Variants in EPYC observed in about 807,000 individuals in gnomAD.
The protein encoded by EPYC is dermatan sulfate proteoglycan 3.
In EPYC, 28 loss-of-function variants were observed where a neutral mutation model predicts 30.1. The observed-to-expected ratio is 0.93, with a 90% confidence interval of 0.69 to 1.28. The LOEUF is 1.28. Ranked by LOEUF, EPYC falls within the 50% of genes most tolerant of loss-of-function variation. The probability of loss-of-function intolerance (pLI) is 0.00; values close to 1 mark genes in which losing one functional copy is unlikely to be tolerated. For missense variants in EPYC, 382 were observed against 383.5 expected, an observed-to-expected ratio of 1.00 and a Z score of 0.03; for synonymous variants, 144 against 141.4, an observed-to-expected ratio of 1.02 and a Z score of -0.13.
chr12:90,969,211 A>G (rs961374807), intron 6 of EPYC, among the ~76,000 whole-genome samples: 9 of 152,080 alleles, frequency 5.9e-5, no homozygotes, highest in African/African-American at 9.6e-5. Context: ...ATTTTCTGCC[A>G]TAAAAGATAA....
intron 3 of EPYC, among the ~76,000 whole-genome samples, chr12:90,977,269 C>T (rs1380420165): frequency 1.3e-5 from 2 of 152,110 alleles, no homozygotes; most frequent in African/African-American, 4.8e-5. Context: ...AGTGTGAGTC[C>T]TCTTGAGTAC....
Position 90,992,691 on chromosome 12 carries a change from A to G in EPYC, c.165+9710T>C, listed in dbSNP as rs145713342. On this transcript the variant is annotated intron_variant, in intron 2 of 6. Transcript: ENST00000261172. ...CTGTGCCAGAAAACGGAAAGATCTC[A>G]AATGTTACTCTGAGAGAAGGAACAT... Among the ~76,000 whole-genome samples, 8 of 152,282 alleles carry G rather than the reference A, an allele frequency of 5.3e-5. No homozygotes were observed. The East Asian group carries it at 1.4e-3, about 26-fold the overall frequency.
intron 3 of EPYC, among the ~76,000 whole-genome samples, chr12:90,974,063 CACACACA>C (rs1877122355): frequency 6.6e-6 from 1 of 150,596 alleles, no homozygotes; most frequent in Non-Finnish European, 1.5e-5. Flanking sequence ...CACACACACA[CACACACA>C]CACCCCTACC....
intron 2 of EPYC, among the ~76,000 whole-genome samples, chr12:90,979,648 G>A (rs1002320022): frequency 2.0e-5 from 3 of 152,030 alleles, no homozygotes; most frequent in African/African-American, 7.2e-5. Flanking sequence ...TGCTTCCATA[G>A]AGTCTCTCTA....
At chr12:90,982,419 A>G (rs947510256) in intron 2 of EPYC, among the ~76,000 whole-genome samples, 1 of 152,068 alleles carries the variant, frequency 6.6e-6, no homozygotes, top group Non-Finnish European at 1.5e-5. Context: ...AAAAAACTCT[A>G]CAACCATTAA....
intron 1 of EPYC, among the ~76,000 whole-genome samples, chr12:91,004,325 G>A (rs1023130817): frequency 1.3e-5 from 2 of 151,928 alleles, no homozygotes; most frequent in Admixed American, 1.3e-4. Context: ...CAACTATAAG[G>A]CAGGCTGTGT....
At chr12:90,978,367 A>G (rs1427210999) in intron 2 of EPYC, 105 bp from the exon 3 acceptor site, 4 of 1,105,362 alleles carry the variant, frequency 3.6e-6, no homozygotes, top group East Asian at 2.8e-5. Context: ...ACAAGAGGAC[A>G]CTCATGTTCT....
rs74398738 is a variant in EPYC at position 91,003,659 on chromosome 12, G to T, written c.-13-1081C>A. On this transcript the variant is annotated intron_variant, in intron 1 of 6. Coordinates refer to ENST00000261172, the MANE Select transcript of EPYC (RefSeq NM_004950.5). ...ATGTTACCTAGTGATCCCTTATTGA[G>T]CAGGCAAAGTATTGTAAAATTCTGT... is the stretch of plus-strand genomic sequence containing the variant. 8.1e-4 allele frequency among the ~76,000 whole-genome samples: 123 copies of T among 152,066 alleles called. 2 individuals carry two copies. The East Asian group carries it at 0.024, about 29-fold the overall frequency.
chr12:90,998,004 A>G (rs1014978209), intron 2 of EPYC, among the ~76,000 whole-genome samples: 70 of 152,200 alleles, frequency 4.6e-4, no homozygotes, highest in African/African-American at 1.5e-3. Context: ...AGAAGACAGC[A>G]TCACTATTAT....
intron 2 of EPYC, among the ~76,000 whole-genome samples, chr12:90,989,892 A>C (rs143263829): frequency 6.6e-6 from 1 of 152,178 alleles, no homozygotes; most frequent in African/African-American, 2.4e-5. Context: ...GTTCTAATTA[A>C]ATGTCTCCAA....
rs1876999457 is a variant in EPYC at position 90,970,090 on chromosome 12, T to A, written c.752A>T (p.His251Leu). 1 of 1,614,030 alleles carries A rather than the reference T, an allele frequency of 6.2e-7. No individual in the cohort carries two copies. The highest frequency in any genetic ancestry group is 8.5e-7 in the Non-Finnish European group (1 of 1,179,888). ...HLYLTDNNLD[H>L]IPLPLPENLR... is the part of the protein sequence containing the mutation. ...ATTTTCTGGGAGTGGCAGAGGGATG[T>A]GGTCCAAGTTGTTATCAGTGAGGTA... Residue 251 changes from histidine to leucine, a missense_variant, in exon 6 of 7, where the codon CAC becomes CTC. Coordinates refer to ENST00000261172, the MANE Select transcript of EPYC (RefSeq NM_004950.5).
intron 2 of EPYC, among the ~76,000 whole-genome samples, chr12:90,978,757 G>T (rs1316611308): frequency 1.3e-5 from 2 of 151,898 alleles, no homozygotes; most frequent in Middle Eastern, 6.8e-3. Flanking sequence ...GATTTCCTAG[G>T]TTCAAATATT....
At chr12:90,968,032 T>C (rs1187701246) in intron 6 of EPYC, among the ~76,000 whole-genome samples, 1 of 152,120 alleles carries the variant, frequency 6.6e-6, no homozygotes, top group East Asian at 1.9e-4. Context: ...ACTATTGAAC[T>C]GCCTATTTCT....
chr12:91,002,229 G>A (rs1920750), intron 2 of EPYC, among the ~76,000 whole-genome samples, 172 bp downstream of exon 2: 95,262 of 144,130 alleles, frequency 0.66, 34,259 homozygotes, highest in East Asian at 0.8. Flanking sequence ...AGACTGTTCC[G>A]GTATTAACCT....
intron 2 of EPYC, among the ~76,000 whole-genome samples, chr12:90,993,532 AC>A (rs981048179): frequency 6.6e-6 from 1 of 152,084 alleles, no homozygotes; most frequent in African/African-American, 2.4e-5. Flanking sequence ...TGCCCAGAAA[AC>A]CTTTACTATT....
intron 2 of EPYC, among the ~76,000 whole-genome samples, chr12:90,986,223 G>T (rs1877445622): frequency 6.6e-6 from 1 of 151,932 alleles, no homozygotes; most frequent in Non-Finnish European, 1.5e-5. Flanking sequence ...AAAAATGCCT[G>T]CCCAGTCCAA....
chr12:90,994,521 C>T (rs1877656086), intron 2 of EPYC, among the ~76,000 whole-genome samples: 1 of 152,110 alleles, frequency 6.6e-6, no homozygotes. Flanking sequence ...GGTTATTCAG[C>T]ATTATGACAA....
intron 2 of EPYC, among the ~76,000 whole-genome samples, chr12:90,991,389 G>A (rs1319777557): frequency 6.6e-6 from 1 of 152,112 alleles, no homozygotes; most frequent in Non-Finnish European, 1.5e-5. Context: ...AACAAGTGAA[G>A]TCCCAATTCT....
chr12:90,976,498 A>G (rs993719463), intron 3 of EPYC, among the ~76,000 whole-genome samples: 1 of 152,046 alleles, frequency 6.6e-6, no homozygotes, highest in Non-Finnish European at 1.5e-5. Flanking sequence ...AGACTATAAA[A>G]ACCCCACAAG....
Sources: allele counts gnomAD v4.1 joint callset (sites outside exome capture counted in the v4.1 genomes callset), GRCh38; gene constraint gnomAD v4.1.1; transcripts MANE v1.5; gene names NCBI Gene and HGNC (gene_info 2026-07-23, HGNC 2026-07-21).